The following CNTN5 variants were observed in gnomAD, a reference collection of about 807,000 sequenced individuals.
The protein encoded by CNTN5 is contactin-5.
CNTN5 carries 77 observed loss-of-function variants against 129.1 expected under a neutral mutation model. That is an observed-to-expected ratio of 0.60 (90% confidence interval 0.50 to 0.72). The LOEUF is 0.72. CNTN5 is among the 30% of genes least tolerant of loss of function. CNTN5 has a pLI of 0.00. For synonymous variants in CNTN5, 509 were observed against 465.6 expected (o/e 1.09, Z -1.20); for missense variants, 1,478 against 1,328.8 (o/e 1.11, Z -1.75).
chr11:99,856,721 G>T (rs1157028665), intron 6 of CNTN5, among the ~76,000 whole-genome samples: 1 of 152,116 alleles, frequency 6.6e-6, no homozygotes, highest in Non-Finnish European at 1.5e-5. Flanking sequence ...CATATCCATA[G>T]GGACAGGGTT....
At chr11:99,181,018 T>C (rs1374720922) in intron 1 of CNTN5, among the ~76,000 whole-genome samples, 1 of 152,206 alleles carries the variant, frequency 6.6e-6, no homozygotes, top group African/African-American at 2.4e-5. Context: ...CATTAAGAGC[T>C]TTTTGTACGT....
chr11:100,118,346 A>C (rs781311570), intron 13 of CNTN5, among the ~76,000 whole-genome samples: 21 of 151,814 alleles, frequency 1.4e-4, no homozygotes, highest in Non-Finnish European at 3.1e-4. Context: ...ATTTCTTGTG[A>C]TCAATATCAA....
At chr11:99,281,413 A>G (rs1863687365) in intron 1 of CNTN5, among the ~76,000 whole-genome samples, 1 of 152,008 alleles carries the variant, frequency 6.6e-6, no homozygotes, top group Non-Finnish European at 1.5e-5. Context: ...TGTAACACTG[A>G]TGTAAGTGCA....
intron 3 of CNTN5, among the ~76,000 whole-genome samples, chr11:99,762,289 T>G (rs2135284437): frequency 6.7e-6 from 1 of 150,240 alleles, no homozygotes; most frequent in Admixed American, 6.6e-5. Context: ...ATTTGTCAAT[T>G]TTGTCTTTTG....
chr11:99,792,818 G>C (rs546848654), intron 3 of CNTN5, among the ~76,000 whole-genome samples: 1 of 152,226 alleles, frequency 6.6e-6, no homozygotes, highest in Admixed American at 6.5e-5. Context: ...TTATTGTTCT[G>C]TTCAGGGATT....
At chr11:99,035,942 T>A (rs950357400) in intron 1 of CNTN5, among the ~76,000 whole-genome samples, 244 of 152,176 alleles carry the variant, frequency 1.6e-3, no homozygotes, top group African/African-American at 5.2e-3. Context: ...CACTTCCTTC[T>A]GGAGCTCTTT....
intron 6 of CNTN5, among the ~76,000 whole-genome samples, chr11:99,902,354 T>G (rs1949381989): frequency 6.6e-6 from 1 of 152,078 alleles, no homozygotes; most frequent in African/African-American, 2.4e-5. Context: ...CAATTTTGCC[T>G]TTTGCCTTGC....
At chr11:99,130,694 T>A (rs1368530724) in intron 1 of CNTN5, among the ~76,000 whole-genome samples, 1 of 73,658 alleles carries the variant, frequency 1.4e-5, no homozygotes, top group African/African-American at 5.1e-5. Context: ...ACTGTGAAAT[T>A]GATCACATAA....
At chr11:99,236,469 A>AAC (rs33985126) in intron 1 of CNTN5, among the ~76,000 whole-genome samples, 1,930 of 150,074 alleles carry the variant, frequency 0.013, 18 homozygotes, top group African/African-American at 0.022. Flanking sequence ...CTCACACACA[A>AAC]ACACACACAC....
chr11:99,192,055 T>G (rs1266697004), intron 1 of CNTN5, among the ~76,000 whole-genome samples: 2 of 151,406 alleles, frequency 1.3e-5, no homozygotes, highest in African/African-American at 4.8e-5. Flanking sequence ...AATACCAGAA[T>G]GAAGAATAAA....
intron 9 of CNTN5, among the ~76,000 whole-genome samples, chr11:100,026,376 T>C (rs149799962): frequency 1.3e-5 from 2 of 152,170 alleles, no homozygotes; most frequent in South Asian, 2.1e-4. Flanking sequence ...GGAAGTTCTT[T>C]ATAGCACTGT....
intron 1 of CNTN5, among the ~76,000 whole-genome samples, chr11:99,167,573 C>G (rs1264023843): frequency 6.6e-6 from 1 of 152,026 alleles, no homozygotes; most frequent in Non-Finnish European, 1.5e-5. Context: ...ATTGGGAATG[C>G]AAAATCTCAT....
intron 2 of CNTN5, among the ~76,000 whole-genome samples, chr11:99,510,164 AG>A (rs1444099242): frequency 1.3e-5 from 2 of 152,114 alleles, no homozygotes; most frequent in African/African-American, 4.8e-5. Context: ...AAAAGACACA[AG>A]CAGAGAGTGC....
intron 1 of CNTN5, among the ~76,000 whole-genome samples, chr11:99,026,897 T>C (rs1277015888): frequency 1.3e-5 from 2 of 151,584 alleles, no homozygotes; most frequent in Non-Finnish European, 3.0e-5. Flanking sequence ...AATATAAATA[T>C]ATGTAATTTC....
intron 7 of CNTN5, among the ~76,000 whole-genome samples, chr11:99,955,117 AGATTTTAGTAAAATAATAAAAAAATTT>A (rs1239970070): frequency 1.1e-4 from 17 of 151,500 alleles, no homozygotes; most frequent in African/African-American, 4.1e-4. Context: ...ATTTTATATT[AGATTTTAGTAAAATAATAAAAAAATTT>A]GATTTTAGTA....
intron 3 of CNTN5, among the ~76,000 whole-genome samples, chr11:99,816,978 A>G (rs1198734484): frequency 2.0e-5 from 3 of 152,192 alleles, no homozygotes; most frequent in Non-Finnish European, 2.9e-5. Context: ...CTCAGTTTAG[A>G]TAGAATATCC....
chr11:99,119,535 C>A (rs972396695), intron 1 of CNTN5, among the ~76,000 whole-genome samples: 12 of 151,968 alleles, frequency 7.9e-5, no homozygotes, highest in African/African-American at 2.7e-4. Flanking sequence ...TTCAGTATAC[C>A]ATTTATGGGC....
chr11:100,206,433 T>A (rs1031796286), intron 15 of CNTN5, among the ~76,000 whole-genome samples: 2 of 152,118 alleles, frequency 1.3e-5, no homozygotes, highest in Admixed American at 1.3e-4. Context: ...TGATTATTCT[T>A]GGTTTCAATT....
chr11:100,042,663 A>T (rs546276190), intron 9 of CNTN5, among the ~76,000 whole-genome samples: 71 of 152,318 alleles, frequency 4.7e-4, no homozygotes, highest in African/African-American at 1.6e-3. Context: ...ACAATGGCCA[A>T]AGTTCATCCA....
Sources: gnomAD v4.1 joint callset for allele counts (sites outside exome capture counted in the v4.1 genomes callset) on GRCh38, gnomAD v4.1.1 for gene constraint, MANE v1.5 for transcripts, NCBI Gene and HGNC (gene_info 2026-07-23, HGNC 2026-07-21) for gene names.